ZDHHC3: variants seen among roughly 807,000 people sequenced by gnomAD.
ZDHHC3 encodes zDHHC palmitoyltransferase 3.
A neutral mutation model predicts 30.6 loss-of-function variants in ZDHHC3; 9 were observed. That is an observed-to-expected ratio of 0.29 (90% confidence interval 0.18 to 0.51). The LOEUF is 0.51. Among genes scored for constraint, ZDHHC3 ranks in the 20% least tolerant of loss-of-function variants. The pLI is 0.97. For synonymous variants in ZDHHC3, 136 were observed against 140.2 expected (o/e 0.97, Z 0.21); for missense variants, 246 against 384.2 (o/e 0.64, Z 3.01).
Position 44,945,153 on chromosome 3 carries a change from C to G in ZDHHC3, c.431+15G>C. 3 of 1,613,454 alleles carry G rather than the reference C, an allele frequency of 1.9e-6. No homozygotes were observed. Among genetic ancestry groups the G allele is most frequent in the Non-Finnish European group, 2.5e-6 (3 of 1,179,966 alleles). The stretch of plus-strand genomic sequence containing the variant: ...ACAGTGGGAGAAGAGAGGAGGCGAG[C>G]CCCAGTGAGTGTACCTGCAGTGGTG... On this transcript the variant is annotated intron_variant, in intron 3 of 6. Coordinates refer to ENST00000424952, the MANE Select transcript of ZDHHC3 (RefSeq NM_001135179.2).
rs1050055753 is a variant in ZDHHC3, at chr3:44,921,252, A to G, written c.*5437T>C. The stretch of plus-strand genomic sequence containing the variant: ...GAGGAAGGAAGAGTCTGTGCAGAAC[A>G]GACTCAGCTGAGCCCCACAGAACGA... On this transcript the variant is annotated 3_prime_UTR_variant, in exon 7 of 7. Transcript: ENST00000424952. The G allele has an allele frequency of 2.0e-5, 20 of 985,420 alleles. No individual in the cohort carries two copies. Among genetic ancestry groups the G allele is most frequent in the Non-Finnish European group, 2.4e-5 (20 of 829,930 alleles). The allele number at this position is 985,420 out of a possible 1,614,324, so 61.0% of individuals were successfully genotyped here. A position where few individuals can be genotyped will look rare whatever the true frequency, so the allele number is the denominator to read the frequency against.
At position 44,926,507 on chromosome 3, in the gene ZDHHC3, T is replaced by A; in HGVS notation, c.*182A>T. ...CAAAAGAAATCGAAAGGATGGTTTT[T>A]AAAAAATAAAATGTGGGGACTTTTT... is the stretch of plus-strand genomic sequence containing the variant. On this transcript the variant is annotated 3_prime_UTR_variant, in exon 7 of 7. Transcript: ENST00000424952. 2 of 1,281,120 alleles carry A rather than the reference T, an allele frequency of 1.6e-6. No homozygotes were observed. Among genetic ancestry groups the A allele is most frequent in the Non-Finnish European group, 2.0e-6 (2 of 1,015,630 alleles). 79.4% of individuals were successfully genotyped at this position (1,281,120 alleles called of 1,614,324 possible).
rs766243986 is a variant in ZDHHC3 at position 44,933,906 on chromosome 3, C to T, written c.510G>A (p.Lys170=). Residue 170 remains lysine (K), a synonymous_variant, in exon 4 of 7, where the codon AAG becomes AAA. Transcript: ENST00000424952. The part of the protein sequence containing the change: ...VNNCVGENNQ[K]YFVLFTMYIA... Reference sequence around the variant, plus strand: ...GACTTACTGTAAACAGGACGAAGTACTTCTGGTTGTTCTCGCCTACACAGT... The same window carrying T: ...GACTTACTGTAAACAGGACGAAGTATTTCTGGTTGTTCTCGCCTACACAGT... The T allele has an allele frequency of 6.2e-7, 1 of 1,614,184 alleles. No individual in the cohort carries two copies. The highest frequency in any genetic ancestry group is 8.5e-7 in the Non-Finnish European group (1 of 1,180,028).
intron 3 of ZDHHC3, among the ~76,000 whole-genome samples, chr3:44,944,264 G>A (rs886616207): frequency 2.0e-5 from 3 of 151,800 alleles, no homozygotes; most frequent in Admixed American, 6.6e-5. Flanking sequence ...ATTCTGCTTC[G>A]GCCTCCCGAA....
intron 4 of ZDHHC3, 62 bp from the exon 5 acceptor site, chr3:44,933,261 C>T (rs533144087): frequency 1.1e-5 from 17 of 1,523,416 alleles, no homozygotes; most frequent in Admixed American, 6.8e-5. Flanking sequence ...CACGGGCTCC[C>T]GGGACAGGGG....
rs1294525618 is a variant in ZDHHC3 at position 44,926,498 on chromosome 3, G to A, written c.*191C>T. ...TTCGGTCACCAAAAGAAATCGAAAGGATGGTTTTTAAAAAATAAAATGTGG... is the reference window on the plus strand; with the variant it reads ...TTCGGTCACCAAAAGAAATCGAAAGAATGGTTTTTAAAAAATAAAATGTGG... On this transcript the variant is annotated 3_prime_UTR_variant, in exon 7 of 7. Coordinates refer to ENST00000424952, the MANE Select transcript of ZDHHC3 (RefSeq NM_001135179.2). 7 of 1,283,644 alleles carry A rather than the reference G, an allele frequency of 5.5e-6. No individual in the cohort carries two copies. Among genetic ancestry groups the A allele is most frequent in the Non-Finnish European group, 5.9e-6 (6 of 1,017,764 alleles). The allele number at this position is 1,283,644 out of a possible 1,614,324, so 79.5% of individuals were successfully genotyped here. A position where few individuals can be genotyped will look rare whatever the true frequency, so the allele number is the denominator to read the frequency against.
rs1201726208 is a variant in ZDHHC3 at position 44,959,196 on chromosome 3, T to C, written c.241A>G (p.Ile81Val). ...AAGAAGGCCAGCAGGTTGAACACAA[T>C]TCCGTTGATGATGCTATACACGTAG... is the stretch of plus-strand genomic sequence containing the variant. ...RDYVYSIING[I>V]VFNLLAFLAL... The change falls in exon 2 of 7, where the codon ATT becomes GTT. Residue 81 changes from isoleucine to valine, a missense_variant. Ile to Val is a conservative substitution (Grantham distance 29, BLOSUM62 3). Coordinates refer to ENST00000424952, the MANE Select transcript of ZDHHC3 (RefSeq NM_001135179.2). This position sits in a 1 kb window ranked among gnomAD's most constrained non-coding sequence, Gnocchi z 4.3. The C allele has an allele frequency of 1.2e-6, 2 of 1,614,216 alleles. No homozygotes were observed. The highest frequency in any genetic ancestry group is 2.2e-5 in the East Asian group (1 of 44,882).
chr3:44,966,076 AG>A (rs1490149439), intron 1 of ZDHHC3, among the ~76,000 whole-genome samples: 7 of 152,222 alleles, frequency 4.6e-5, no homozygotes, highest in African/African-American at 1.7e-4. Context: ...ACTTGAAATC[AG>A]GTGCAATGAT....
intron 3 of ZDHHC3, 88 bp from the exon 4 acceptor site, chr3:44,934,072 C>T: frequency 7.8e-7 from 1 of 1,285,232 alleles, no homozygotes; most frequent in South Asian, 1.2e-5. Context: ...GCTCCTGCTC[C>T]ACTCCTCTGA....
rs1407149272 is a variant in ZDHHC3 at position 44,920,198 on chromosome 3, G to A, written c.*6491C>T. The A allele has an allele frequency of 3.6e-5, 47 of 1,289,362 alleles. No homozygotes were observed. Among genetic ancestry groups the A allele is most frequent in the Admixed American group, 1.4e-4 (6 of 43,528 alleles). 79.9% of individuals were successfully genotyped at this position (1,289,362 alleles called of 1,614,324 possible). On this transcript the variant is annotated 3_prime_UTR_variant, in exon 7 of 7. Coordinates refer to ENST00000424952, the MANE Select transcript of ZDHHC3 (RefSeq NM_001135179.2). ...GACACAAGTCTAAAGGGACCTTCAT[G>A]TGGGTCATGAGCATGTGATGCCATG... is the stretch of plus-strand genomic sequence containing the variant.
intron 3 of ZDHHC3, chr3:44,937,848 C>G (rs1416229147): frequency 2.1e-6 from 1 of 469,008 alleles, no homozygotes; most frequent in Admixed American, 2.3e-5. Flanking sequence ...GGGTCTGAGG[C>G]TTACAGTGAA....
chr3:44,915,739 G>C lies in ZDHHC3; in HGVS notation c.*10950C>G, dbSNP rs1400103062. On this transcript the variant is annotated 3_prime_UTR_variant, in exon 7 of 7. Transcript: ENST00000424952. Reference sequence around the variant, plus strand: ...CCCAATGTGCAAGGACATTTCTCAAGGGCCATGTGGTTTTGCAGACACTGC... The same window carrying C: ...CCCAATGTGCAAGGACATTTCTCAACGGCCATGTGGTTTTGCAGACACTGC... 1.3e-5 allele frequency: 2 copies of C among 152,256 alleles called. No homozygotes were observed. The highest frequency in any genetic ancestry group is 2.9e-5 in the Non-Finnish European group (2 of 68,084). The allele number at this position is 152,256 out of a possible 1,614,324, so 9.4% of individuals were successfully genotyped here.
At chr3:44,973,440 G>A (rs952051438) in intron 1 of ZDHHC3, among the ~76,000 whole-genome samples, 3 of 152,112 alleles carry the variant, frequency 2.0e-5, no homozygotes, top group Admixed American at 1.3e-4. Flanking sequence ...CTGTTGCAAG[G>A]ATTGAATCAG....
chr3:44,942,915 G>T (rs1056895548), intron 3 of ZDHHC3, among the ~76,000 whole-genome samples: 9 of 152,270 alleles, frequency 5.9e-5, no homozygotes, highest in Non-Finnish European at 1.3e-4. Flanking sequence ...ACATAAGCAA[G>T]CTGAGCTTTT....
Position 44,933,881 on chromosome 3 carries a change from G to C in ZDHHC3, c.528+7C>G. The C allele has an allele frequency of 6.2e-7, 1 of 1,613,948 alleles. No individual in the cohort carries two copies. Among genetic ancestry groups the C allele is most frequent in the African/African-American group, 1.3e-5 (1 of 75,040 alleles). On this transcript the variant is annotated splice_region_variant and intron_variant, in intron 4 of 6. Coordinates refer to ENST00000424952, the MANE Select transcript of ZDHHC3 (RefSeq NM_001135179.2). Reference sequence around the variant, plus strand: ...GGGGGCAGGGCAGAATTTGCAAGCTGACTTACTGTAAACAGGACGAAGTAC... The same window carrying C: ...GGGGGCAGGGCAGAATTTGCAAGCTCACTTACTGTAAACAGGACGAAGTAC...
intron 1 of ZDHHC3, among the ~76,000 whole-genome samples, chr3:44,963,850 TA>T (rs1285030035): frequency 1.3e-5 from 2 of 152,174 alleles, no homozygotes; most frequent in Non-Finnish European, 2.9e-5. Context: ...ATTTGGTCTC[TA>T]AAAACTCCTC....
chr3:44,925,784 G>C lies in ZDHHC3; in HGVS notation c.*905C>G. ...GAAGGGGATGATGGTGGGGCTGTAT[G>C]TGTTGGGCACTGGTGCCTATTGCAG... On this transcript the variant is annotated 3_prime_UTR_variant, in exon 7 of 7. Transcript: ENST00000424952. 1 of 985,862 alleles carries C rather than the reference G, an allele frequency of 1.0e-6. No individual in the cohort carries two copies. The highest frequency in any genetic ancestry group is 1.2e-6 in the Non-Finnish European group (1 of 829,942). The allele number at this position is 985,862 out of a possible 1,614,324, so 61.1% of individuals were successfully genotyped here.
At chr3:44,946,471 A>C (rs1467968815) in intron 2 of ZDHHC3, among the ~76,000 whole-genome samples, 2 of 152,200 alleles carry the variant, frequency 1.3e-5, no homozygotes, top group African/African-American at 4.8e-5. Context: ...CTATGGACTC[A>C]GGAATCACAG....
intron 1 of ZDHHC3, among the ~76,000 whole-genome samples, 155 bp downstream of exon 1, chr3:44,975,772 TCACACA>T (rs1185484134): frequency 3.4e-5 from 4 of 116,702 alleles, no homozygotes; most frequent in South Asian, 3.1e-4. Flanking sequence ...TCTCTCTCTC[TCACACA>T]CACACACACA....
Sources: allele counts gnomAD v4.1 joint callset (sites outside exome capture counted in the v4.1 genomes callset), GRCh38; gene constraint gnomAD v4.1.1; non-coding constraint Gnocchi (gnomAD v3.1); transcripts MANE v1.5; gene names NCBI Gene and HGNC (gene_info 2026-07-23, HGNC 2026-07-21).